AEBP2: variants seen among roughly 807,000 people sequenced by gnomAD.
AEBP2 encodes the protein zinc finger protein AEBP2.
AEBP2 carries 10 observed loss-of-function variants against 50.8 expected under a neutral mutation model. That is an observed-to-expected ratio of 0.20 (90% CI 0.12 to 0.33). The LOEUF (loss-of-function observed/expected upper bound fraction) is 0.33, where lower values mean the gene tolerates loss of function less well. Among genes scored for constraint, AEBP2 ranks in the 10% least tolerant of loss-of-function variants. The probability of loss-of-function intolerance (pLI) is 1.00; values close to 1 mark genes in which losing one functional copy is unlikely to be tolerated. For missense variants in AEBP2, 570 were observed against 688.0 expected, an observed-to-expected ratio of 0.83 and a Z score of 1.92; for synonymous variants, 296 against 261.3, an observed-to-expected ratio of 1.13 and a Z score of -1.28.
At chr12:19,458,887 A>G (rs1196100964) in intron 1 of AEBP2, among the ~76,000 whole-genome samples, 1 of 152,172 alleles carries the variant, frequency 6.6e-6, no homozygotes, top group African/African-American at 2.4e-5. Flanking sequence ...TAGGTTTCGT[A>G]TATCTTTCTG....
Position 19,464,551 on chromosome 12 carries a change from GATTTTTATTTT to G in AEBP2, c.879+1846_879+1856del, listed in dbSNP as rs986449148. ...TGTAGAAAAAATGCAGTTACAGTCTGATTTTTATTTTATTTTTATTTTTTTAAAATTAATTA... is the reference window on the plus strand; with the variant it reads ...TGTAGAAAAAATGCAGTTACAGTCTGATTTTTATTTTTTTAAAATTAATTA... On this transcript the variant is annotated intron_variant, in intron 2 of 7. Transcript: ENST00000266508. 9.3e-4 allele frequency among the ~76,000 whole-genome samples: 141 copies of G among 151,662 alleles called. 3 individuals carry two copies. The highest frequency in any genetic ancestry group is 7.8e-3 in the East Asian group (40 of 5,146).
In AEBP2 at chr12:19,439,745, C is replaced by T. The variant is rs1352549685; in HGVS notation, c.46C>T (p.Arg16Cys). 2 of 1,518,010 alleles carry T rather than the reference C, an allele frequency of 1.3e-6. No homozygotes were observed. Among genetic ancestry groups the T allele is most frequent in the East Asian group, 2.6e-5 (1 of 37,894 alleles). 94.0% of individuals were successfully genotyped at this position (1,518,010 alleles called of 1,614,324 possible). The change falls in exon 1 of 8, where the codon CGC (arginine) becomes TGC (cysteine). Residue 16 changes from arginine (R) to cysteine (C), a missense_variant. This residue lies in a region of AEBP2 where 386 missense variants were observed against 336.8 expected (regional missense o/e 1.15). Coordinates refer to ENST00000266508, the MANE Select transcript of AEBP2 (RefSeq NM_153207.5). ...CATGGCCGACCTGGAGGAGCTCTCC[C>T]GCCTGAGCCCTCTGCCCCCCGGCAG... ...TDMADLEELS[R>C]LSPLPPGSPG...
intron 1 of AEBP2, among the ~76,000 whole-genome samples, chr12:19,448,246 A>G (rs888554348): frequency 1.1e-4 from 16 of 152,108 alleles, no homozygotes; most frequent in African/African-American, 3.9e-4. Context: ...ATGATGTTGT[A>G]TTGAAATATC....
At chr12:19,494,498 CTTTTTTTTTT>C (rs747750453) in intron 4 of AEBP2, among the ~76,000 whole-genome samples, 10 of 115,870 alleles carry the variant, frequency 8.6e-5, no homozygotes, top group Admixed American at 7.2e-4. Flanking sequence ...AGCAGTGTTG[CTTTTTTTTTT>C]TTTTTTTTTT....
Position 19,432,804 on chromosome 12 carries a change from TGAGA to T in AEBP2, c.-17+28591_-17+28594del, listed in dbSNP as rs1344137569. On this transcript the variant is annotated intron_variant, in intron 1 of 3. Transcript: ENST00000538425. ...GGTCCTGGGAGAGGATTTGACTTAG[TGAGA>T]GACCCTTGCCCTTCTGGGACTCCCA... 2.0e-5 allele frequency among the ~76,000 whole-genome samples: 3 copies of T among 152,026 alleles called. No individual in the cohort carries two copies. In the East Asian group the frequency reaches 5.8e-4, roughly 29 times the overall value.
chr12:19,428,001 C>G (rs1164237386), intron 1 of AEBP2, among the ~76,000 whole-genome samples: 1 of 151,930 alleles, frequency 6.6e-6, no homozygotes, highest in Admixed American at 6.6e-5. Context: ...CTTTTAGAGG[C>G]TGAGGCTGGT....
intron 3 of AEBP2, among the ~76,000 whole-genome samples, chr12:19,492,484 C>T (rs896740107): frequency 2.6e-5 from 4 of 151,546 alleles, no homozygotes; most frequent in African/African-American, 7.3e-5. Flanking sequence ...TTGTAGAGGG[C>T]GGCATATGAC....
chr12:19,442,190 C>T (rs1947974243), intron 1 of AEBP2, among the ~76,000 whole-genome samples: 1 of 152,158 alleles, frequency 6.6e-6, no homozygotes, highest in African/African-American at 2.4e-5. Flanking sequence ...GGGCGGATCA[C>T]CTGAGTTGGG....
intron 1 of AEBP2, among the ~76,000 whole-genome samples, chr12:19,424,452 A>G (rs1227219223): frequency 6.6e-6 from 1 of 151,546 alleles, no homozygotes; most frequent in Non-Finnish European, 1.5e-5. Context: ...GCTGGAGTGC[A>G]GTGGCGCGAT....
Position 19,518,128 on chromosome 12 carries a change from A to C in AEBP2, c.*11A>C. The C allele has an allele frequency of 6.3e-7, 1 of 1,593,394 alleles. No homozygotes were observed. Reference sequence around the variant, plus strand: ...AGGTTGAAGAGGTAAAAAATAAATAAATACATAAAAAGCAAACAAGCGGGG... The same window carrying C: ...AGGTTGAAGAGGTAAAAAATAAATACATACATAAAAAGCAAACAAGCGGGG... On this transcript the variant is annotated 3_prime_UTR_variant, in exon 8 of 8. Transcript: ENST00000266508.
intron 3 of AEBP2, among the ~76,000 whole-genome samples, chr12:19,480,949 G>A (rs1275544184): frequency 6.6e-6 from 1 of 152,032 alleles, no homozygotes; most frequent in Non-Finnish European, 1.5e-5. Flanking sequence ...GTTGTTTGAT[G>A]TAATCCCACA....
Position 19,415,279 on chromosome 12 carries a change from C to T in AEBP2, c.-17+11063C>T, listed in dbSNP as rs574888364. Among the ~76,000 whole-genome samples, 26 of 125,840 alleles carry T rather than the reference C, an allele frequency of 2.1e-4. No individual in the cohort carries two copies. The South Asian group carries it at 3.5e-3, about 17-fold the overall frequency. The allele number at this position is 125,840 out of a possible 152,430, so 82.6% of individuals were successfully genotyped here. A position where few individuals can be genotyped will look rare whatever the true frequency, so the allele number is the denominator to read the frequency against. ...AGTGAGACAAGATTGTGCCACTGCA[C>T]TCCAGCCTGGATGATAGACGGAATG... On this transcript the variant is annotated intron_variant, in intron 1 of 3. Transcript: ENST00000538425.
At chr12:19,481,284 G>A (rs566342724) in intron 3 of AEBP2, among the ~76,000 whole-genome samples, 2 of 150,722 alleles carry the variant, frequency 1.3e-5, no homozygotes, top group East Asian at 3.9e-4. Flanking sequence ...TATTTTTTTA[G>A]TAGAGGCAGG....
rs1949293567 is a variant in AEBP2, at chr12:19,514,709, A to G, written c.1406A>G (p.Gln469Arg). Residue 469 changes from glutamine to arginine, a missense_variant, in exon 7 of 8, where the codon CAG (glutamine) becomes CGG (arginine). Gln to Arg is a conservative substitution (Grantham distance 43). This residue lies in a region of AEBP2 where 184 missense variants were observed against 351.2 expected (regional missense o/e 0.52). Transcript: ENST00000266508. ...DVWVNESERH[Q>R]LKTKVVHLSK... Reference sequence around the variant, plus strand: ...TGGGTGAATGAAAGTGAACGACATCAGTTAAAAACTAAAGTAGTTCATTTA... The same window carrying G: ...TGGGTGAATGAAAGTGAACGACATCGGTTAAAAACTAAAGTAGTTCATTTA... 6.2e-7 allele frequency: 1 copy of G among 1,611,404 alleles called. No homozygotes were observed. The highest frequency in any genetic ancestry group is 8.5e-7 in the Non-Finnish European group (1 of 1,178,862).
intron 3 of AEBP2, among the ~76,000 whole-genome samples, chr12:19,488,126 A>ATTT (rs11385390): frequency 1.4e-5 from 2 of 144,796 alleles, no homozygotes; most frequent in African/African-American, 2.5e-5. Flanking sequence ...AACAGATTAA[A>ATTT]TTTTTTTTTT....
chr12:19,516,478 G>C (rs1029331450), intron 7 of AEBP2, among the ~76,000 whole-genome samples: 2 of 152,078 alleles, frequency 1.3e-5, no homozygotes, highest in Non-Finnish European at 2.9e-5. Context: ...CAAGAGTCTT[G>C]CTTTCTCACC....
intron 1 of AEBP2, among the ~76,000 whole-genome samples, chr12:19,421,337 T>A (rs1291759594): frequency 8.9e-6 from 1 of 112,504 alleles, no homozygotes; most frequent in African/African-American, 3.6e-5. Context: ...AGAGCGAGAC[T>A]CTGTCTCAAA....
intron 1 of AEBP2, among the ~76,000 whole-genome samples, chr12:19,415,316 C>CAAAAAAA (rs869125193): frequency 1.7e-5 from 1 of 59,546 alleles, no homozygotes; most frequent in Non-Finnish European, 2.6e-5. Context: ...GACCCTGTCT[C>CAAAAAAA]AAAAAAAAAA....
intron 1 of AEBP2, among the ~76,000 whole-genome samples, chr12:19,460,959 GTTC>G (rs1948364355): frequency 6.6e-6 from 1 of 152,080 alleles, no homozygotes; most frequent in Non-Finnish European, 1.5e-5. Context: ...CGGCCTGAAT[GTTC>G]TTTTTTTTTA....
Sources: allele counts gnomAD v4.1 joint callset (sites outside exome capture counted in the v4.1 genomes callset), GRCh38; gene constraint gnomAD v4.1.1; regional missense constraint gnomAD v4.1.1; transcripts MANE v1.5; gene names NCBI Gene and HGNC (gene_info 2026-07-23, HGNC 2026-07-21).